Variants in CMIP observed in about 807,000 individuals in gnomAD.
CMIP encodes the protein c-Maf inducing protein, also known as C-Maf-inducing protein.
A neutral mutation model predicts 97.3 loss-of-function variants in CMIP; 13 were observed. The ratio of observed to expected loss-of-function variants is 0.13; its 90% confidence interval spans 0.09 to 0.21. The LOEUF (loss-of-function observed/expected upper bound fraction) is 0.21. CMIP is among the 10% of genes least tolerant of loss of function. The pLI, the probability that CMIP is intolerant of heterozygous loss-of-function variation, is 1.00. For synonymous variants in CMIP, 538 were observed against 436.3 expected, an observed-to-expected ratio of 1.23 and a Z score of -2.91; for missense variants, 847 against 1,024.9, an observed-to-expected ratio of 0.83 and a Z score of 2.37.
At chr16:81,594,766 A>C (rs771811913) in intron 1 of CMIP, among the ~76,000 whole-genome samples, 515 of 144,114 alleles carry the variant, frequency 3.6e-3, no homozygotes, top group Non-Finnish European at 6.2e-3. Flanking sequence ...GGCGCCTGTC[A>C]CCACGCCCAG....
chr16:81,613,547 C>G (rs1411554096), intron 2 of CMIP, among the ~76,000 whole-genome samples: 4 of 152,186 alleles, frequency 2.6e-5, no homozygotes, highest in African/African-American at 9.7e-5. Context: ...GAAACGCACT[C>G]TAATACTTGT....
chr16:81,650,680 C>CT lies in CMIP; in HGVS notation c.478-1518dup, dbSNP rs539857685. Reference sequence around the variant, plus strand: ...AGAGACAGATTCAGTCTCAGCGTTCCTTTTTGTGACTCTTGGCTGATTTAT... The same window carrying CT: ...AGAGACAGATTCAGTCTCAGCGTTCCTTTTTTGTGACTCTTGGCTGATTTAT... On this transcript the variant is annotated intron_variant, in intron 3 of 20. Transcript: ENST00000537098. Among the ~76,000 whole-genome samples the CT allele has an allele frequency of 4.3e-3, 650 of 152,250 alleles. 9 individuals are homozygous for CT. Among genetic ancestry groups the CT allele is most frequent in the African/African-American group, 0.015 (625 of 41,538 alleles).
At chr16:81,527,370 A>G (rs2150816889) in intron 1 of CMIP, among the ~76,000 whole-genome samples, 1 of 140,660 alleles carries the variant, frequency 7.1e-6, no homozygotes, top group South Asian at 2.1e-4. Context: ...TAGATACCAG[A>G]AAAAAACACC....
At chr16:81,689,606 C>A in intron 10 of CMIP, among the ~76,000 whole-genome samples, 1 of 152,278 alleles carries the variant, frequency 6.6e-6, no homozygotes, top group East Asian at 1.9e-4. Context: ...CTGTAGGTTT[C>A]CTTTTCACTC....
At chr16:81,682,856 A>G (rs74031236) in intron 10 of CMIP, among the ~76,000 whole-genome samples, 3,301 of 152,324 alleles carry the variant, frequency 0.022, 115 homozygotes, top group African/African-American at 0.076. Flanking sequence ...GAGGTCCTTG[A>G]AAAGGAAAAC....
chr16:81,535,313 A>C (rs931816016), intron 1 of CMIP, among the ~76,000 whole-genome samples: 1 of 152,148 alleles, frequency 6.6e-6, no homozygotes, highest in African/African-American at 2.4e-5. Context: ...CAGAGAGGTC[A>C]AGCAACCTGC....
intron 1 of CMIP, among the ~76,000 whole-genome samples, chr16:81,504,257 C>G (rs926650669): frequency 1.7e-4 from 25 of 149,766 alleles, no homozygotes; most frequent in Non-Finnish European, 3.6e-4. Flanking sequence ...ACCCGGGAGG[C>G]AGAGGTTGCA....
intron 2 of CMIP, among the ~76,000 whole-genome samples, chr16:81,618,181 G>A (rs1192747530): frequency 1.3e-5 from 2 of 152,150 alleles, no homozygotes; most frequent in Non-Finnish European, 2.9e-5. Context: ...CTGGAGGTCC[G>A]AAGTCCAACA....
intron 1 of CMIP, among the ~76,000 whole-genome samples, chr16:81,576,432 CAAAA>C (rs2091190213): frequency 4.0e-5 from 6 of 151,856 alleles, no homozygotes; most frequent in Admixed American, 3.9e-4. Flanking sequence ...AACAAACAAA[CAAAA>C]AACAGAAAAG....
chr16:81,700,645 A>T (rs970724140), intron 15 of CMIP: 1 of 152,590 alleles, frequency 6.6e-6, no homozygotes, highest in Non-Finnish European at 1.5e-5. Flanking sequence ...CAGCAAAGCC[A>T]TGGGAGCTCC....
intron 1 of CMIP, among the ~76,000 whole-genome samples, chr16:81,534,690 A>C (rs2090307810): frequency 6.6e-6 from 1 of 152,192 alleles, no homozygotes; most frequent in Non-Finnish European, 1.5e-5. Flanking sequence ...CCTAGAACTA[A>C]GCACCTACAC....
At chr16:81,709,532 C>T (rs536484648) in intron 20 of CMIP, among the ~76,000 whole-genome samples, 1 of 152,332 alleles carries the variant, frequency 6.6e-6, no homozygotes, top group African/African-American at 2.4e-5. Flanking sequence ...ATGGGAACCC[C>T]GCTGCCTGGT....
rs1452927956 is a variant in CMIP, at chr16:81,678,396, A to G, written c.1156A>G (p.Thr386Ala). ...PSPDLVSQEA[T>A]LSEARLKSVV... ...CCCGGACCTGGTGTCTCAGGAAGCC[A>G]CGCTGTCTGAGGCCCGGCTCAAGTC... Residue 386 changes from threonine (T) to alanine (A), a missense_variant, in exon 10 of 21, where the codon ACG (threonine) becomes GCG (alanine). Physicochemically the swap from Thr to Ala is moderately conservative, Grantham distance 58 (BLOSUM62 0). Transcript: ENST00000537098. 2 of 1,608,020 alleles carry G rather than the reference A, an allele frequency of 1.2e-6. No individual in the cohort carries two copies. The highest frequency in any genetic ancestry group is 8.5e-7 in the Non-Finnish European group (1 of 1,177,544).
At chr16:81,587,929 C>G (rs1203500590) in intron 1 of CMIP, among the ~76,000 whole-genome samples, 2 of 152,192 alleles carry the variant, frequency 1.3e-5, no homozygotes, top group African/African-American at 2.4e-5. Context: ...ATCCTGGAAA[C>G]CCTCCATGGA....
intron 9 of CMIP, among the ~76,000 whole-genome samples, chr16:81,676,380 G>A (rs560253225): frequency 1.3e-5 from 2 of 151,618 alleles, no homozygotes; most frequent in South Asian, 2.1e-4. Context: ...GCTCTCGGTG[G>A]GCAAATGTAC....
intron 1 of CMIP, among the ~76,000 whole-genome samples, chr16:81,516,982 A>T (rs2925992): frequency 6.7e-6 from 1 of 149,882 alleles, no homozygotes; most frequent in Admixed American, 6.6e-5. Context: ...AAAAACCAGA[A>T]GGCCTCCAAG....
chr16:81,614,374 G>A lies in CMIP; in HGVS notation c.427-6502G>A, dbSNP rs929502121. On this transcript the variant is annotated intron_variant, in intron 2 of 20. Transcript: ENST00000537098. This position sits in a 1 kb window ranked among gnomAD's most constrained non-coding sequence, Gnocchi z 5.3. Reference sequence around the variant, plus strand: ...GAAGGGAGTGTGCCAAGCGGTGCACGGGTTCTCAGGGGCTCCCACGCGCGG... The same window carrying A: ...GAAGGGAGTGTGCCAAGCGGTGCACAGGTTCTCAGGGGCTCCCACGCGCGG... 2.0e-5 allele frequency among the ~76,000 whole-genome samples: 3 copies of A among 152,136 alleles called. No homozygotes were observed. The highest frequency in any genetic ancestry group is 6.5e-5 in the Admixed American group (1 of 15,270).
At chr16:81,613,302 C>T (rs1036215729) in intron 2 of CMIP, among the ~76,000 whole-genome samples, 2 of 150,986 alleles carry the variant, frequency 1.3e-5, no homozygotes, top group African/African-American at 4.9e-5. Context: ...ATGTCCCAAC[C>T]CAAGTCCTGG....
At chr16:81,659,124 A>G (rs1049166545) in intron 5 of CMIP, among the ~76,000 whole-genome samples, 4 of 152,348 alleles carry the variant, frequency 2.6e-5, no homozygotes, top group East Asian at 3.9e-4. Flanking sequence ...CAGGAGGACA[A>G]GTCAACCTGG....
Sources: gnomAD v4.1 joint callset for allele counts (sites outside exome capture counted in the v4.1 genomes callset) on GRCh38, gnomAD v4.1.1 for gene constraint, Gnocchi (gnomAD v3.1) non-coding constraint, MANE v1.5 for transcripts, NCBI Gene and HGNC (gene_info 2026-07-23, HGNC 2026-07-21) for gene names.